The following LIMCH1 variants were observed in gnomAD, a reference collection of about 807,000 sequenced individuals.
The protein encoded by LIMCH1 is LIM and calponin homology domains-containing protein 1.
In LIMCH1, 113 loss-of-function variants were observed where a neutral mutation model predicts 176.5. That is an observed-to-expected ratio of 0.64 (90% CI 0.55 to 0.75). LIMCH1 has a LOEUF of 0.75. Ranked by LOEUF, LIMCH1 falls within the 30% of genes least tolerant of loss-of-function variation. The pLI, the probability that LIMCH1 is intolerant of heterozygous loss-of-function variation, is 0.00. For missense variants in LIMCH1, 1,674 were observed against 1,814.9 expected (o/e 0.92, Z 1.41); for synonymous variants, 619 against 645.9 (o/e 0.96, Z 0.63).
chr4:41,592,975 A>G (rs971657028), intron 1 of LIMCH1, among the ~76,000 whole-genome samples: 2 of 152,250 alleles, frequency 1.3e-5, no homozygotes, highest in Non-Finnish European at 2.9e-5. Flanking sequence ...CTAGAAGAGT[A>G]CGTAGCACAT....
intron 1 of LIMCH1, among the ~76,000 whole-genome samples, chr4:41,459,812 C>T (rs1389226231): frequency 1.3e-5 from 2 of 152,152 alleles, no homozygotes; most frequent in Non-Finnish European, 1.5e-5. Flanking sequence ...GAGCTAGAAC[C>T]ATGACGAAGC....
At chr4:41,500,281 C>T (rs758406457) in intron 2 of LIMCH1, among the ~76,000 whole-genome samples, 23 of 152,226 alleles carry the variant, frequency 1.5e-4, no homozygotes, top group Admixed American at 1.2e-3. Context: ...TCAGTCATTA[C>T]ACTGAGAGTT....
chr4:41,627,814 A>G (rs974479066), intron 8 of LIMCH1, among the ~76,000 whole-genome samples: 8 of 152,220 alleles, frequency 5.3e-5, no homozygotes, highest in Non-Finnish European at 1.0e-4. Context: ...AAAATCAGCT[A>G]GAGTTAGCAT....
chr4:41,403,393 C>T (rs2058663301), intron 1 of LIMCH1, among the ~76,000 whole-genome samples: 3 of 152,048 alleles, frequency 2.0e-5, no homozygotes, highest in African/African-American at 7.2e-5. Context: ...CCAGCCTGGT[C>T]AACATGATGA....
chr4:41,575,912 A>T (rs1054814282), intron 1 of LIMCH1, among the ~76,000 whole-genome samples: 3 of 152,220 alleles, frequency 2.0e-5, no homozygotes, highest in African/African-American at 7.2e-5. Context: ...TAAGTAGAAG[A>T]ATAACCTTTT....
intron 1 of LIMCH1, among the ~76,000 whole-genome samples, chr4:41,401,212 A>G (rs369119054): frequency 6.6e-6 from 1 of 152,186 alleles, no homozygotes; most frequent in Non-Finnish European, 1.5e-5. Context: ...TTTTGTATAA[A>G]GTGTAAGGAA....
At chr4:41,473,851 CTAAT>C (rs2067340934) in intron 1 of LIMCH1, among the ~76,000 whole-genome samples, 2 of 152,246 alleles carry the variant, frequency 1.3e-5, no homozygotes, top group East Asian at 1.9e-4. Flanking sequence ...ACTGTAATGA[CTAAT>C]TAACAAGAAA....
chr4:41,646,977 A>G, intron 17 of LIMCH1, 84 bp downstream of exon 17: 3 of 1,284,670 alleles, frequency 2.3e-6, no homozygotes, highest in Middle Eastern at 1.9e-4. Flanking sequence ...AGAAAATGTC[A>G]TTCTTTTTAC....
In LIMCH1 at chr4:41,632,922, A is replaced by G. The variant is rs530643738; in HGVS notation, c.1720+55A>G. The stretch of plus-strand genomic sequence containing the variant: ...GAGGTGAAGGAGGACAGGTGGGGTC[A>G]GAGCCTCTGGTGTGAATTCTTTCCT... On this transcript the variant is annotated intron_variant, in intron 11 of 31. Coordinates refer to ENST00000503057, the MANE Select transcript of LIMCH1 (RefSeq NM_001330672.2). The G allele has an allele frequency of 6.5e-6, 10 of 1,529,146 alleles. No homozygotes were observed. In the East Asian group the frequency reaches 2.0e-4, roughly 30 times the overall value. The allele number at this position is 1,529,146 out of a possible 1,614,324, so 94.7% of individuals were successfully genotyped here.
chr4:41,586,023 C>G (rs2086391513), intron 1 of LIMCH1, among the ~76,000 whole-genome samples: 1 of 151,150 alleles, frequency 6.6e-6, no homozygotes. Flanking sequence ...CTCTTCTCTT[C>G]TCATCTCCTC....
At chr4:41,454,916 T>C (rs2064352376) in intron 1 of LIMCH1, among the ~76,000 whole-genome samples, 1 of 151,390 alleles carries the variant, frequency 6.6e-6, no homozygotes, top group South Asian at 2.1e-4. Flanking sequence ...CCTGAGAGTT[T>C]TATAGCTGTG....
chr4:41,398,816 T>C (rs1217587946), intron 1 of LIMCH1, among the ~76,000 whole-genome samples: 1 of 152,170 alleles, frequency 6.6e-6, no homozygotes, highest in Non-Finnish European at 1.5e-5. Flanking sequence ...AAGTGTCTCT[T>C]TGAGGTGGGA....
chr4:41,624,306 T>C (rs2092790012), intron 7 of LIMCH1, among the ~76,000 whole-genome samples: 2 of 151,546 alleles, frequency 1.3e-5, no homozygotes, highest in Non-Finnish European at 1.5e-5. Context: ...AGGCAGGGGG[T>C]GTGGGGGCGT....
chr4:41,552,187 A>G (rs1309710084), intron 1 of LIMCH1, among the ~76,000 whole-genome samples: 1 of 152,116 alleles, frequency 6.6e-6, no homozygotes, highest in East Asian at 1.9e-4. Flanking sequence ...GTTACCTCCC[A>G]CTGACTCCCT....
intron 1 of LIMCH1, among the ~76,000 whole-genome samples, chr4:41,577,330 G>A (rs6813394): frequency 0.06 from 9,123 of 151,992 alleles, 887 homozygotes; most frequent in African/African-American, 0.2. Context: ...ATTTTAGAAA[G>A]GGAGGAAAAA....
At chr4:41,549,422 A>T (rs2080071362) in intron 1 of LIMCH1, among the ~76,000 whole-genome samples, 1 of 152,220 alleles carries the variant, frequency 6.6e-6, no homozygotes, top group African/African-American at 2.4e-5. Context: ...GGTGAGGGAT[A>T]GAGCCAGAAG....
chr4:41,421,614 T>C (rs561200061), intron 1 of LIMCH1, among the ~76,000 whole-genome samples: 1 of 152,354 alleles, frequency 6.6e-6, no homozygotes, highest in South Asian at 2.1e-4. Flanking sequence ...TTACTTTGGT[T>C]GATATTTTTA....
At chr4:41,571,705 C>T (rs562408955) in intron 1 of LIMCH1, among the ~76,000 whole-genome samples, 5 of 152,188 alleles carry the variant, frequency 3.3e-5, no homozygotes, top group South Asian at 4.2e-4. Context: ...ATAATGTGTT[C>T]GGCCATGGAA....
chr4:41,508,702 A>G (rs2074478312), intron 2 of LIMCH1, among the ~76,000 whole-genome samples: 1 of 152,190 alleles, frequency 6.6e-6, no homozygotes, highest in South Asian at 2.1e-4. Flanking sequence ...GAGGAAACCC[A>G]GGAGACTGTG....
Sources: gnomAD v4.1 joint callset for allele counts (sites outside exome capture counted in the v4.1 genomes callset) on GRCh38, gnomAD v4.1.1 for gene constraint, MANE v1.5 for transcripts, NCBI Gene and HGNC (gene_info 2026-07-23, HGNC 2026-07-21) for gene names.